Variants in PRICKLE1 observed in about 807,000 individuals in gnomAD.
The protein encoded by PRICKLE1 is prickle-like protein 1.
PRICKLE1 carries 14 observed loss-of-function variants against 70.2 expected under a neutral mutation model. The ratio of observed to expected loss-of-function variants is 0.20; its 90% CI spans 0.13 to 0.31. PRICKLE1 has a LOEUF of 0.31. Among genes scored for constraint, PRICKLE1 ranks in the 10% least tolerant of loss-of-function variants. The pLI, the probability that PRICKLE1 is intolerant of heterozygous loss-of-function variation, is 1.00. For missense variants in PRICKLE1, 821 were observed against 1,026.2 expected, an observed-to-expected ratio of 0.80 and a Z score of 2.73; for synonymous variants, 357 against 379.9, an observed-to-expected ratio of 0.94 and a Z score of 0.70.
chr12:42,558,305 A>G (rs1360477498), intron 1 of PRICKLE1, among the ~76,000 whole-genome samples: 1 of 152,150 alleles, frequency 6.6e-6, no homozygotes, highest in Non-Finnish European at 1.5e-5. Flanking sequence ...AATTTAATAA[A>G]CCTCCTCTTT....
At chr12:42,482,484 T>TTTCTATTTTTGGA (rs1938828960) in intron 1 of PRICKLE1, among the ~76,000 whole-genome samples, 1 of 152,184 alleles carries the variant, frequency 6.6e-6, no homozygotes, top group Admixed American at 6.5e-5. Flanking sequence ...TGGATTTCTA[T>TTTCTATTTTTGGA]TTTCAACAGT....
At chr12:42,515,072 C>A (rs1593149261) in intron 1 of PRICKLE1, among the ~76,000 whole-genome samples, 1 of 151,736 alleles carries the variant, frequency 6.6e-6, no homozygotes, top group East Asian at 1.9e-4. Flanking sequence ...GTGCAAGCCA[C>A]CACGCCTGAC....
At chr12:42,557,390 T>C (rs896538715) in intron 1 of PRICKLE1, among the ~76,000 whole-genome samples, 7 of 152,172 alleles carry the variant, frequency 4.6e-5, no homozygotes, top group Non-Finnish European at 7.3e-5. Context: ...GTTACATCGT[T>C]TGGGAAAACG....
chr12:42,540,463 T>C (rs1383479233), intron 1 of PRICKLE1, among the ~76,000 whole-genome samples: 3 of 152,234 alleles, frequency 2.0e-5, no homozygotes, highest in Non-Finnish European at 4.4e-5. Flanking sequence ...GCACTTATAG[T>C]AAACAAATAT....
intron 1 of PRICKLE1, among the ~76,000 whole-genome samples, chr12:42,502,296 TTTTTC>T (rs149360530): frequency 0.18 from 25,114 of 141,892 alleles, 2,705 homozygotes; most frequent in African/African-American, 0.31. Flanking sequence ...TATATATTTG[TTTTTC>T]TTTTCTTTTC....
At chr12:42,585,464 T>C (rs747007104) in intron 1 of PRICKLE1, among the ~76,000 whole-genome samples, 6 of 152,090 alleles carry the variant, frequency 3.9e-5, no homozygotes, top group African/African-American at 9.7e-5. Context: ...TCTGAGAGGT[T>C]TGATCACCCT....
At chr12:42,564,074 T>C (rs1345447876) in intron 1 of PRICKLE1, among the ~76,000 whole-genome samples, 1 of 151,126 alleles carries the variant, frequency 6.6e-6, no homozygotes, top group African/African-American at 2.4e-5. Flanking sequence ...CTGGCCAACA[T>C]GGTGAAACCC....
intron 1 of PRICKLE1, among the ~76,000 whole-genome samples, chr12:42,581,680 G>C (rs561892903): frequency 6.6e-6 from 1 of 151,680 alleles, no homozygotes; most frequent in East Asian, 1.9e-4. Flanking sequence ...CCAGGAGGCG[G>C]AGGTTGCAGT....
In PRICKLE1 at chr12:42,458,169, A is replaced by T. The variant is rs926231965; in HGVS notation, c.*1640T>A. On this transcript the variant is annotated 3_prime_UTR_variant, in exon 8 of 8. Transcript: ENST00000345127. ...GGCCAAATTTTCCCCACTCCAGTCT[A>T]TATGGAAAAAATAAGCCTCTGTGTC... The T allele has an allele frequency of 1.3e-5, 2 of 152,150 alleles. No homozygotes were observed. The highest frequency in any genetic ancestry group is 2.9e-5 in the Non-Finnish European group (2 of 68,026). 9.4% of individuals were successfully genotyped at this position (152,150 alleles called of 1,614,324 possible).
intron 1 of PRICKLE1, among the ~76,000 whole-genome samples, chr12:42,494,564 T>G (rs921200603): frequency 1.3e-5 from 2 of 152,060 alleles, no homozygotes; most frequent in African/African-American, 4.8e-5. Context: ...CTCAGCACTT[T>G]GGGAGGCTGA....
At chr12:42,540,286 G>A (rs1160425281) in intron 1 of PRICKLE1, among the ~76,000 whole-genome samples, 1 of 152,168 alleles carries the variant, frequency 6.6e-6, no homozygotes, top group African/African-American at 2.4e-5. Context: ...CAGTGTCACA[G>A]TTAAGAGTTT....
At chr12:42,531,915 T>C (rs1279356830) in intron 1 of PRICKLE1, among the ~76,000 whole-genome samples, 1 of 152,182 alleles carries the variant, frequency 6.6e-6, no homozygotes, top group Non-Finnish European at 1.5e-5. Context: ...CTCAGTACTT[T>C]AGGAGGCCGA....
chr12:42,530,669 T>C (rs761476664), intron 1 of PRICKLE1, among the ~76,000 whole-genome samples: 15 of 148,188 alleles, frequency 1.0e-4, no homozygotes, highest in Non-Finnish European at 1.5e-4. Flanking sequence ...GTCAGTGTAT[T>C]TTATCAAATA....
intron 1 of PRICKLE1, chr12:42,490,119 T>C (rs1222026351): frequency 6.6e-6 from 1 of 152,156 alleles, no homozygotes; most frequent in African/African-American, 2.4e-5. Context: ...CCATGATACA[T>C]GGTGATTATA....
At chr12:42,488,269 C>T (rs1939024482) in intron 1 of PRICKLE1, among the ~76,000 whole-genome samples, 1 of 152,140 alleles carries the variant, frequency 6.6e-6, no homozygotes. Flanking sequence ...CTGATTATGA[C>T]ACTAATACCA....
At chr12:42,520,709 G>A (rs1013753385) in intron 1 of PRICKLE1, among the ~76,000 whole-genome samples, 24 of 152,148 alleles carry the variant, frequency 1.6e-4, no homozygotes, top group African/African-American at 2.4e-4. Flanking sequence ...TAGGCAGGGC[G>A]TCAAACTGTT....
intron 5 of PRICKLE1, among the ~76,000 whole-genome samples, chr12:42,467,935 G>A (rs1367358282): frequency 1.3e-5 from 2 of 152,154 alleles, no homozygotes; most frequent in East Asian, 3.9e-4. Flanking sequence ...AAGAAAAGGA[G>A]CATCTGTTAA....
At chr12:42,552,059 CTTTTTTTTTT>C (rs201217516) in intron 1 of PRICKLE1, among the ~76,000 whole-genome samples, 1 of 129,250 alleles carries the variant, frequency 7.7e-6, no homozygotes, top group African/African-American at 3.0e-5. Flanking sequence ...AAGAAAGTTA[CTTTTTTTTTT>C]TTTTTTTTTT....
At chr12:42,519,001 G>C (rs1040393200) in intron 1 of PRICKLE1, among the ~76,000 whole-genome samples, 1 of 152,042 alleles carries the variant, frequency 6.6e-6, no homozygotes, top group East Asian at 1.9e-4. Context: ...TTATTTAGGA[G>C]AGTCAGACCT....
Sources: allele counts gnomAD v4.1 joint callset (sites outside exome capture counted in the v4.1 genomes callset), GRCh38; gene constraint gnomAD v4.1.1; transcripts MANE v1.5; gene names NCBI Gene and HGNC (gene_info 2026-07-23, HGNC 2026-07-21).